STK39: variants seen among roughly 807,000 people sequenced by gnomAD.
STK39 encodes the protein serine/threonine kinase 39.
STK39 carries 20 observed loss-of-function variants against 77.8 expected under a neutral mutation model. The observed-to-expected ratio is 0.26, with a 90% CI of 0.18 to 0.37. The LOEUF (loss-of-function observed/expected upper bound fraction) is 0.37, where lower values mean the gene tolerates loss of function less well. STK39 is among the 10% of genes least tolerant of loss of function. The pLI is 1.00. For missense variants in STK39, 479 were observed against 656.5 expected, an observed-to-expected ratio of 0.73 and a Z score of 2.95; for synonymous variants, 246 against 234.1, an observed-to-expected ratio of 1.05 and a Z score of -0.47.
chr2:168,235,819 G>A (rs1203055676), intron 1 of STK39, among the ~76,000 whole-genome samples: 1 of 152,078 alleles, frequency 6.6e-6, no homozygotes, highest in East Asian at 1.9e-4. Flanking sequence ...ATTCCATGGT[G>A]TATATGTGCC....
At chr2:168,167,499 T>G (rs750748933) in intron 2 of STK39, 92 bp from the exon 3 acceptor site, 59 of 1,148,612 alleles carry the variant, frequency 5.1e-5, no homozygotes, top group Non-Finnish European at 7.1e-5. Context: ...TGGGTAACTT[T>G]CCTACTCGAA....
intron 1 of STK39, among the ~76,000 whole-genome samples, chr2:168,242,693 G>C (rs962887237): frequency 1.3e-5 from 2 of 148,600 alleles, no homozygotes; most frequent in Admixed American, 1.4e-4. Context: ...GAGCAGCTTG[G>C]GCAACATAGT....
At chr2:168,049,349 A>T (rs1685334753) in intron 14 of STK39, among the ~76,000 whole-genome samples, 1 of 152,192 alleles carries the variant, frequency 6.6e-6, no homozygotes, top group South Asian at 2.1e-4. Flanking sequence ...TGTCACCCAA[A>T]AGATATTTTT....
chr2:167,977,587 A>C (rs1195203766), intron 16 of STK39, among the ~76,000 whole-genome samples: 3 of 152,110 alleles, frequency 2.0e-5, no homozygotes, highest in Non-Finnish European at 4.4e-5. Context: ...AAAAAAAAAA[A>C]AACAAAGGGG....
chr2:167,974,759 TTAG>T (rs1031591413), intron 16 of STK39, among the ~76,000 whole-genome samples: 6 of 152,168 alleles, frequency 3.9e-5, no homozygotes, highest in African/African-American at 1.4e-4. Flanking sequence ...ATAGTGTCTT[TTAG>T]GAGGTTCACA....
intron 5 of STK39, among the ~76,000 whole-genome samples, chr2:168,155,074 C>T (rs1305215021): frequency 6.6e-6 from 1 of 152,148 alleles, no homozygotes; most frequent in African/African-American, 2.4e-5. Flanking sequence ...GACTGAGTCC[C>T]ATCTGCCTCA....
chr2:168,210,066 GAAGGAAGGAAGGAAGA>G (rs1689851082), intron 1 of STK39, among the ~76,000 whole-genome samples: 1 of 148,952 alleles, frequency 6.7e-6, no homozygotes, highest in South Asian at 2.1e-4. Context: ...AGGAAGGAAG[GAAGGAAGGAAGGAAGA>G]AAGAAACTCA....
intron 2 of STK39, among the ~76,000 whole-genome samples, chr2:168,169,636 G>GTGTGTGTGTGTC (rs1266502267): frequency 1.3e-5 from 2 of 149,474 alleles, no homozygotes; most frequent in Non-Finnish European, 2.9e-5. Flanking sequence ...GTGAGCGTGT[G>GTGTGTGTGTGTC]TGTGTGTGTG....
At chr2:168,016,694 T>C (rs774967569) in intron 15 of STK39, among the ~76,000 whole-genome samples, 1 of 152,252 alleles carries the variant, frequency 6.6e-6, no homozygotes, top group Non-Finnish European at 1.5e-5. Flanking sequence ...ATGATCCCAC[T>C]GCTGCTCAAC....
intron 14 of STK39, among the ~76,000 whole-genome samples, chr2:168,047,152 A>T (rs1334686512): frequency 1.3e-5 from 2 of 152,244 alleles, no homozygotes; most frequent in Non-Finnish European, 2.9e-5. Flanking sequence ...TGTTTTAAGA[A>T]ATAAAAAAAA....
At chr2:168,160,489 G>A (rs77873779) in intron 5 of STK39, among the ~76,000 whole-genome samples, 1 of 92,264 alleles carries the variant, frequency 1.1e-5, no homozygotes, top group African/African-American at 3.3e-5. Flanking sequence ...AGTAGCAGCA[G>A]CAGCCATGGT....
rs561672954 is a variant in STK39 at position 168,039,522 on chromosome 2, G to A, written c.1377-22427C>T. On this transcript the variant is annotated intron_variant, in intron 14 of 17. Coordinates refer to ENST00000355999, the MANE Select transcript of STK39 (RefSeq NM_013233.3). ...CAGGAGAATGGCGTGAACCCGGGAA[G>A]CGGAGCTTGCAGTGAGCCGAGATTG... Among the ~76,000 whole-genome samples, 5 of 79,464 alleles carry A rather than the reference G, an allele frequency of 6.3e-5. 2 individuals carry two copies. The highest frequency in any genetic ancestry group is 1.9e-4 in the African/African-American group (5 of 26,624). 52.1% of individuals were successfully genotyped at this position (79,464 alleles called of 152,430 possible).
Position 168,031,131 on chromosome 2 carries a change from G to A in STK39, c.1377-14036C>T, listed in dbSNP as rs757958299. 2.6e-5 allele frequency among the ~76,000 whole-genome samples: 4 copies of A among 152,154 alleles called. No homozygotes were observed. The South Asian group carries it at 6.2e-4, about 24-fold the overall frequency. ...CCTCTGGCCTGCCCTGGAGAAGAGC[G>A]GAGTGGGTGCCTGAAAGCTGAGAGC... On this transcript the variant is annotated intron_variant, in intron 14 of 17. Coordinates refer to ENST00000355999, the MANE Select transcript of STK39 (RefSeq NM_013233.3).
rs1218538014 is a variant in STK39, at chr2:168,134,242, TA to T, written c.974+3845del. Among the ~76,000 whole-genome samples, 4 of 152,308 alleles carry T rather than the reference TA, an allele frequency of 2.6e-5. No individual in the cohort carries two copies. In the Middle Eastern group the frequency reaches 0.01, roughly 389 times the overall value. ...TAAAAACAATGCAGCAGTCTGCAAG[TA>T]ACAACATTCTCAGAAGAAAATCTCT... On this transcript the variant is annotated intron_variant, in intron 8 of 17. Coordinates refer to ENST00000355999, the MANE Select transcript of STK39 (RefSeq NM_013233.3).
chr2:168,128,787 T>C (rs150843946), intron 10 of STK39, among the ~76,000 whole-genome samples: 171 of 152,336 alleles, frequency 1.1e-3, no homozygotes, highest in African/African-American at 3.8e-3. Context: ...CACAGATTCA[T>C]GTCAGCTTTC....
intron 1 of STK39, among the ~76,000 whole-genome samples, chr2:168,217,742 GA>G (rs564223833): frequency 1.3e-3 from 198 of 152,148 alleles, no homozygotes; most frequent in African/African-American, 4.4e-3. Flanking sequence ...ATAATGGCAA[GA>G]AAAAAAGTCT....
chr2:167,957,299 T>C (rs568242473), intron 17 of STK39, among the ~76,000 whole-genome samples: 2 of 152,340 alleles, frequency 1.3e-5, no homozygotes, highest in African/African-American at 4.8e-5. Flanking sequence ...ATCTGACAGA[T>C]AAAGATGTTC....
At chr2:167,956,355 G>A (rs1278936173) in intron 17 of STK39, among the ~76,000 whole-genome samples, 3 of 152,180 alleles carry the variant, frequency 2.0e-5, no homozygotes, top group Non-Finnish European at 4.4e-5. Context: ...TCAGGAGATC[G>A]AGACCATCCT....
chr2:168,127,965 G>A (rs908062867), intron 10 of STK39, among the ~76,000 whole-genome samples: 8 of 152,096 alleles, frequency 5.3e-5, no homozygotes, highest in Non-Finnish European at 7.4e-5. Context: ...TTCTGAGGCT[G>A]GGGGGCTCGG....
Sources: allele counts gnomAD v4.1 joint callset (sites outside exome capture counted in the v4.1 genomes callset), GRCh38; gene constraint gnomAD v4.1.1; transcripts MANE v1.5; gene names NCBI Gene and HGNC (gene_info 2026-07-23, HGNC 2026-07-21).